GRIN2A: variants seen among roughly 807,000 people sequenced by gnomAD.
GRIN2A encodes glutamate receptor ionotropic, NMDA 2A.
In GRIN2A, 22 loss-of-function variants were observed where a neutral mutation model predicts 113.4. The observed-to-expected ratio is 0.19, with a 90% CI of 0.14 to 0.28. GRIN2A has a LOEUF of 0.28. Among genes scored for constraint, GRIN2A ranks in the 10% least tolerant of loss-of-function variants. GRIN2A has a pLI of 1.00. For synonymous variants in GRIN2A, 827 were observed against 738.4 expected (o/e 1.12, Z -1.94); for missense variants, 1,502 against 1,887.0 (o/e 0.80, Z 3.78).
intron 2 of GRIN2A, among the ~76,000 whole-genome samples, chr16:10,119,913 T>C (rs1446656320): frequency 6.6e-6 from 1 of 152,164 alleles, no homozygotes; most frequent in Non-Finnish European, 1.5e-5. Context: ...AGTACATGAG[T>C]TCATTCTTTT....
chr16:10,009,113 T>A (rs1454424086), intron 2 of GRIN2A, among the ~76,000 whole-genome samples: 2 of 152,202 alleles, frequency 1.3e-5, no homozygotes, highest in Admixed American at 1.3e-4. Context: ...AATTTGCTGG[T>A]AAGTGACCAC....
intron 4 of GRIN2A, among the ~76,000 whole-genome samples, chr16:9,889,575 C>T (rs895381397): frequency 1.3e-5 from 2 of 152,126 alleles, no homozygotes; most frequent in East Asian, 3.9e-4. Context: ...TCACACTTTC[C>T]TTTTTTATTA....
chr16:10,045,482 G>C (rs750697525), intron 2 of GRIN2A, among the ~76,000 whole-genome samples: 15 of 151,970 alleles, frequency 9.9e-5, no homozygotes, highest in Non-Finnish European at 2.2e-4. Flanking sequence ...CTCTGGCTAC[G>C]TGAGAGAGAG....
chr16:9,952,707 G>C (rs1320970192), intron 2 of GRIN2A, among the ~76,000 whole-genome samples: 1 of 152,074 alleles, frequency 6.6e-6, no homozygotes, highest in Non-Finnish European at 1.5e-5. Flanking sequence ...TATTCTGTTT[G>C]TTCATTGATC....
At chr16:10,142,000 C>T (rs2142257863) in intron 2 of GRIN2A, among the ~76,000 whole-genome samples, 1 of 152,340 alleles carries the variant, frequency 6.6e-6, no homozygotes, top group South Asian at 2.1e-4. Context: ...GCCTCTGCCT[C>T]TCCTATCACA....
At chr16:10,043,972 C>T (rs1394589512) in intron 2 of GRIN2A, among the ~76,000 whole-genome samples, 6 of 139,168 alleles carry the variant, frequency 4.3e-5, no homozygotes, top group African/African-American at 8.2e-5. Flanking sequence ...TACACACACA[C>T]ATATATATAT....
chr16:9,886,825 T>C (rs1395595312), intron 4 of GRIN2A, among the ~76,000 whole-genome samples: 6 of 152,198 alleles, frequency 3.9e-5, no homozygotes, highest in Non-Finnish European at 8.8e-5. Flanking sequence ...GGGGGTTAAA[T>C]ATGAAAGCTC....
Position 10,180,663 on chromosome 16 carries a change from G to T in GRIN2A, c.-18-234C>A. 1.5e-6 allele frequency: 1 copy of T among 657,166 alleles called. No individual in the cohort carries two copies. Among genetic ancestry groups the T allele is most frequent in the African/African-American group, 1.8e-5 (1 of 54,418 alleles). The allele number at this position is 657,166 out of a possible 1,614,324, so 40.7% of individuals were successfully genotyped here. A position where few individuals can be genotyped will look rare whatever the true frequency, so the allele number is the denominator to read the frequency against. On this transcript the variant is annotated intron_variant, in intron 1 of 12. Coordinates refer to ENST00000330684, the MANE Select transcript of GRIN2A (RefSeq NM_001134407.3). This position sits in a 1 kb window ranked among gnomAD's most constrained non-coding sequence, Gnocchi z 7.0. ...ATTCTCCATCCCCCAGCCCCTTCTC[G>T]CATCCAGCTTCCTCATCCCCTGTCT... is the stretch of plus-strand genomic sequence containing the variant.
Position 10,111,940 on chromosome 16 carries a change from G to A in GRIN2A, c.414+68058C>T, listed in dbSNP as rs1057321611. The stretch of plus-strand genomic sequence containing the variant: ...GATGACGCCAAGGATCAAGCTGATG[G>A]TGGCTCCAGCAGGCATGACATTGAA... On this transcript the variant is annotated intron_variant, in intron 2 of 12. Transcript: ENST00000330684. 14 of 746,014 alleles carry A rather than the reference G, an allele frequency of 1.9e-5. No individual in the cohort carries two copies. The African/African-American group carries it at 2.4e-4, about 13-fold the overall frequency. 46.2% of individuals were successfully genotyped at this position (746,014 alleles called of 1,614,324 possible).
rs548428720 is a variant in GRIN2A at position 9,979,279 on chromosome 16, C to A, written c.415-40728G>T. On this transcript the variant is annotated intron_variant, in intron 2 of 12. Transcript: ENST00000330684. ...AATCTAAGGAACAAGGAAGACAGTG[C>A]CACATGGTTATTCTGAAGACGAGAT... Among the ~76,000 whole-genome samples, 8 of 152,274 alleles carry A rather than the reference C, an allele frequency of 5.3e-5. No homozygotes were observed. The East Asian group carries it at 7.7e-4, about 15-fold the overall frequency.
At chr16:10,173,128 G>A (rs2050076179) in intron 2 of GRIN2A, among the ~76,000 whole-genome samples, 2 of 152,220 alleles carry the variant, frequency 1.3e-5, no homozygotes, top group Admixed American at 1.3e-4. Flanking sequence ...GATGACTTAA[G>A]TGAGGAGGTG....
intron 2 of GRIN2A, among the ~76,000 whole-genome samples, chr16:10,114,077 A>G (rs981977045): frequency 6.6e-6 from 1 of 152,150 alleles, no homozygotes; most frequent in African/African-American, 2.4e-5. Context: ...CTGTAGTGCC[A>G]GCTACTCTGG....
At chr16:10,176,100 G>T (rs373406689) in intron 2 of GRIN2A, among the ~76,000 whole-genome samples, 1 of 150,734 alleles carries the variant, frequency 6.6e-6, no homozygotes. Flanking sequence ...CACCTCCCAG[G>T]TTCATGCAAT....
At chr16:9,829,766 T>C in intron 8 of GRIN2A, 114 bp from the exon 9 acceptor site, 1 of 737,104 alleles carries the variant, frequency 1.4e-6, no homozygotes, top group African/African-American at 1.7e-5. Context: ...GATGGAATTA[T>C]ATCATAGTTG....
In GRIN2A at chr16:9,951,065, T is replaced by A. The variant is rs1048555457; in HGVS notation, c.415-12514A>T. Among the ~76,000 whole-genome samples the A allele has an allele frequency of 5.3e-5, 8 of 152,108 alleles. No individual in the cohort carries two copies. The South Asian group carries it at 1.2e-3, about 24-fold the overall frequency. ...CCTTATCGGTGCTTAACCTGTGAGCTCCCTTTCCTTTACCTGGTCATTCTC... is the reference window on the plus strand; with the variant it reads ...CCTTATCGGTGCTTAACCTGTGAGCACCCTTTCCTTTACCTGGTCATTCTC... On this transcript the variant is annotated intron_variant, in intron 2 of 12. Transcript: ENST00000330684.
intron 2 of GRIN2A, chr16:9,970,927 C>G (rs775486412): frequency 2.6e-5 from 4 of 153,690 alleles, no homozygotes; most frequent in Admixed American, 6.5e-5. Flanking sequence ...AGATGAGAGG[C>G]TTATTCACCC....
At chr16:9,813,783 T>C (rs892352051) in intron 10 of GRIN2A, among the ~76,000 whole-genome samples, 2 of 152,158 alleles carry the variant, frequency 1.3e-5, no homozygotes. Flanking sequence ...GCAATTATTT[T>C]TGAGCTTTGT....
intron 2 of GRIN2A, among the ~76,000 whole-genome samples, chr16:9,986,319 A>G (rs1467784921): frequency 6.6e-6 from 1 of 152,242 alleles, no homozygotes; most frequent in Non-Finnish European, 1.5e-5. Flanking sequence ...ATGTATATAC[A>G]AGCCAATCAT....
In GRIN2A at chr16:9,870,658, G is replaced by C. The variant is rs536121303; in HGVS notation, c.1122+20328C>G. 5.4e-4 allele frequency among the ~76,000 whole-genome samples: 80 copies of C among 147,450 alleles called. 1 individual carries two copies. Among genetic ancestry groups the C allele is most frequent in the Middle Eastern group, 3.5e-3 (1 of 286 alleles). ...TTTTTTTTTTTTCTTTTTTTGTAGA[G>C]ATGGAGTCTCGCTCTGTTGCCCAAG... On this transcript the variant is annotated intron_variant, in intron 4 of 12. Coordinates refer to ENST00000330684, the MANE Select transcript of GRIN2A (RefSeq NM_001134407.3).
Sources: allele counts gnomAD v4.1 joint callset (sites outside exome capture counted in the v4.1 genomes callset), GRCh38; gene constraint gnomAD v4.1.1; non-coding constraint Gnocchi (gnomAD v3.1); transcripts MANE v1.5; gene names NCBI Gene and HGNC (gene_info 2026-07-23, HGNC 2026-07-21).